Variants in RAB2A observed in about 807,000 individuals in gnomAD.
The protein encoded by RAB2A is ras-related protein Rab-2A.
Under a neutral mutation model 32.5 loss-of-function variants are expected in RAB2A, and 7 were observed. The ratio of observed to expected loss-of-function variants is 0.22; its 90% CI spans 0.12 to 0.40. RAB2A has a LOEUF of 0.40. Among genes scored for constraint, RAB2A ranks in the 10% least tolerant of loss-of-function variants. The pLI, the probability that RAB2A is intolerant of heterozygous loss-of-function variation, is 1.00. For synonymous variants in RAB2A, 79 were observed against 85.2 expected (o/e 0.93, Z 0.40); for missense variants, 108 against 260.7 (o/e 0.41, Z 4.03).
At chr8:60,593,095 A>AT (rs1803968642) in intron 6 of RAB2A, among the ~76,000 whole-genome samples, 1 of 152,210 alleles carries the variant, frequency 6.6e-6, no homozygotes, top group Admixed American at 6.5e-5. Flanking sequence ...GACTACAGTA[A>AT]TTCTACAGCA....
At chr8:60,567,577 G>A (rs1808134654) in intron 2 of RAB2A, among the ~76,000 whole-genome samples, 1 of 151,842 alleles carries the variant, frequency 6.6e-6, no homozygotes, top group African/African-American at 2.4e-5. Flanking sequence ...TTCAATACAT[G>A]GGCTAATTTG....
chr8:60,518,910 G>A (rs780350916), intron 1 of RAB2A, among the ~76,000 whole-genome samples: 1 of 152,162 alleles, frequency 6.6e-6, no homozygotes, highest in Non-Finnish European at 1.5e-5. Context: ...CTCATTAGTG[G>A]TGAAAATTCA....
intron 1 of RAB2A, among the ~76,000 whole-genome samples, chr8:60,519,680 T>C (rs7827528): frequency 0.076 from 11,634 of 152,230 alleles, 1,350 homozygotes; most frequent in African/African-American, 0.25. Context: ...TATTATATAC[T>C]TCTTGAAGTC....
intron 3 of RAB2A, among the ~76,000 whole-genome samples, chr8:60,578,214 T>C (rs748484254): frequency 5.3e-5 from 8 of 152,226 alleles, no homozygotes; most frequent in Admixed American, 3.3e-4. Flanking sequence ...ACTATAAATA[T>C]ACTCTAGTAC....
chr8:60,534,020 A>G (rs1206669720), intron 1 of RAB2A, among the ~76,000 whole-genome samples: 4 of 152,160 alleles, frequency 2.6e-5, no homozygotes, highest in Non-Finnish European at 5.9e-5. Flanking sequence ...TATTGTGGGC[A>G]GTCCCTGTGC....
At chr8:60,520,895 C>T (rs940677147) in intron 1 of RAB2A, among the ~76,000 whole-genome samples, 54 of 152,244 alleles carry the variant, frequency 3.5e-4, no homozygotes, top group African/African-American at 1.3e-3. Context: ...TCACTCACTA[C>T]AGCTTCAGTC....
At chr8:60,538,471 G>T (rs961071972) in intron 1 of RAB2A, among the ~76,000 whole-genome samples, 14 of 152,174 alleles carry the variant, frequency 9.2e-5, no homozygotes, top group African/African-American at 2.4e-4. Flanking sequence ...TGGCTAAGAG[G>T]TAGAAAGAAC....
chr8:60,584,707 T>C lies in RAB2A; in HGVS notation c.270-16T>C, dbSNP rs1803820726. 6.3e-7 allele frequency: 1 copy of C among 1,579,086 alleles called. No homozygotes were observed. Among genetic ancestry groups the C allele is most frequent in the Admixed American group, 1.7e-5 (1 of 58,236 alleles). ...AATGCTTTGAACATAGTAATTAAAT[T>C]ATTATTTATGTTTAGGAGAGATACA... On this transcript the variant is annotated splice_polypyrimidine_tract_variant and intron_variant, in intron 4 of 7. Transcript: ENST00000262646.
chr8:60,547,692 C>T (rs540074143), intron 1 of RAB2A, among the ~76,000 whole-genome samples: 13 of 120,816 alleles, frequency 1.1e-4, no homozygotes, highest in Admixed American at 3.3e-4. Context: ...GGCGGCTGGC[C>T]GGGCGGGGGG....
intron 3 of RAB2A, among the ~76,000 whole-genome samples, chr8:60,579,655 TCTCA>T (rs1236355866): frequency 1.3e-5 from 2 of 151,042 alleles, no homozygotes; most frequent in Non-Finnish European, 2.9e-5. Flanking sequence ...TGAGATGGAG[TCTCA>T]CTCTGTCACC....
At chr8:60,577,699 C>T (rs1404617028) in intron 3 of RAB2A, among the ~76,000 whole-genome samples, 1 of 151,868 alleles carries the variant, frequency 6.6e-6, no homozygotes, top group Middle Eastern at 3.2e-3. Context: ...TCTCGGCTCA[C>T]TGCAAGCTTC....
chr8:60,612,417 G>T (rs1419098169), intron 6 of RAB2A, among the ~76,000 whole-genome samples: 1 of 152,116 alleles, frequency 6.6e-6, no homozygotes, highest in Non-Finnish European at 1.5e-5. Context: ...AGAGACAAAA[G>T]ATGTAAATAA....
intron 6 of RAB2A, among the ~76,000 whole-genome samples, chr8:60,599,756 T>TA (rs904015272): frequency 1.2e-4 from 18 of 151,882 alleles, no homozygotes; most frequent in African/African-American, 4.1e-4. Context: ...TCTCACACCT[T>TA]AAAAAAACTA....
intron 5 of RAB2A, among the ~76,000 whole-genome samples, chr8:60,590,613 A>T (rs575080615): frequency 2.0e-5 from 3 of 147,964 alleles, no homozygotes. Context: ...ATATATATAT[A>T]ATGCTTATTG....
At chr8:60,606,284 G>A (rs1274282201) in intron 6 of RAB2A, among the ~76,000 whole-genome samples, 1 of 152,208 alleles carries the variant, frequency 6.6e-6, no homozygotes, top group Non-Finnish European at 1.5e-5. Context: ...AGCAAGGAGG[G>A]AGTAAAGACT....
chr8:60,536,933 G>T (rs775454183), intron 1 of RAB2A, among the ~76,000 whole-genome samples: 1 of 152,180 alleles, frequency 6.6e-6, no homozygotes, highest in Non-Finnish European at 1.5e-5. Context: ...GATTCAGTCA[G>T]ATTTTTCCTT....
intron 3 of RAB2A, among the ~76,000 whole-genome samples, chr8:60,573,079 A>T (rs1808220401): frequency 9.8e-6 from 1 of 102,436 alleles, no homozygotes; most frequent in African/African-American, 8.0e-5. Flanking sequence ...AGCCTCACAC[A>T]AATAGTTGGG....
At chr8:60,544,331 CG>C (rs1266428849) in intron 1 of RAB2A, among the ~76,000 whole-genome samples, 2 of 296 alleles carry the variant, frequency 6.8e-3, no homozygotes, top group South Asian at 0.12. Context: ...TGAGCCACCA[CG>C]CCCCAGCCCA....
chr8:60,518,520 G>T (rs1166368865), intron 1 of RAB2A, among the ~76,000 whole-genome samples: 6 of 149,496 alleles, frequency 4.0e-5, no homozygotes, highest in African/African-American at 1.5e-4. Flanking sequence ...GCCGGGCGTC[G>T]TGGCAGGCGC....
Sources: allele counts gnomAD v4.1 joint callset (sites outside exome capture counted in the v4.1 genomes callset), GRCh38; gene constraint gnomAD v4.1.1; transcripts MANE v1.5; gene names NCBI Gene and HGNC (gene_info 2026-07-23, HGNC 2026-07-21).